KLF12: variants seen among roughly 807,000 people sequenced by gnomAD.
The protein encoded by KLF12 is Krueppel-like factor 12.
A neutral mutation model predicts 37.8 loss-of-function variants in KLF12; 9 were observed. The observed-to-expected ratio is 0.24, with a 90% CI of 0.14 to 0.42. The LOEUF is 0.42. KLF12 is among the 10% of genes least tolerant of loss of function. The probability of loss-of-function intolerance (pLI) is 1.00; values close to 1 mark genes in which losing one functional copy is unlikely to be tolerated. For missense variants in KLF12, 411 were observed against 516.0 expected, an observed-to-expected ratio of 0.80 and a Z score of 1.97; for synonymous variants, 208 against 202.1, an observed-to-expected ratio of 1.03 and a Z score of -0.25.
chr13:73,800,856 G>T lies in KLF12; in HGVS notation c.806+12296C>A, dbSNP rs181749308. 6.6e-5 allele frequency: 10 copies of T among 152,134 alleles called. No individual in the cohort carries two copies. The East Asian group carries it at 1.9e-3, about 29-fold the overall frequency. The allele number at this position is 152,134 out of a possible 1,614,324, so 9.4% of individuals were successfully genotyped here. A position where few individuals can be genotyped will look rare whatever the true frequency, so the allele number is the denominator to read the frequency against. ...ATTTTATTATATAAGTAAAAGTTTA[G>T]AATTCCTTTCTCCACACCAGTAATT... On this transcript the variant is annotated intron_variant, in intron 5 of 7. Coordinates refer to ENST00000377669, the MANE Select transcript of KLF12 (RefSeq NM_007249.5).
chr13:74,262,293 C>A, the KLF12 span, among the ~76,000 whole-genome samples: 2 of 152,130 alleles, frequency 1.3e-5, no homozygotes, highest in Non-Finnish European at 2.9e-5. Context: ...GAGGTTGGAT[C>A]AATATTTTGT....
At chr13:73,913,116 GTGTTTC>G (rs1173206908) in intron 3 of KLF12, among the ~76,000 whole-genome samples, 1 of 152,166 alleles carries the variant, frequency 6.6e-6, no homozygotes, top group African/African-American at 2.4e-5. Context: ...CTGAGGCACA[GTGTTTC>G]TGTTTCTCAT....
chr13:74,143,588 A>G, the KLF12 span, among the ~76,000 whole-genome samples: 19 of 152,156 alleles, frequency 1.2e-4, no homozygotes, highest in African/African-American at 4.6e-4. Flanking sequence ...GAGCCTTGCT[A>G]ATTTATTGCA....
At chr13:73,697,786 T>C (rs1874253810) in intron 7 of KLF12, among the ~76,000 whole-genome samples, 1 of 152,084 alleles carries the variant, frequency 6.6e-6, no homozygotes, top group Admixed American at 6.5e-5. Flanking sequence ...TAAAATTTCA[T>C]CTTCACTGGA....
chr13:74,024,783 T>G (rs1892932136), intron 1 of KLF12, among the ~76,000 whole-genome samples: 1 of 152,198 alleles, frequency 6.6e-6, no homozygotes, highest in Non-Finnish European at 1.5e-5. Flanking sequence ...AAAAAGTCTC[T>G]CTAAAACATA....
At chr13:73,782,408 T>C (rs1249809501) in intron 5 of KLF12, among the ~76,000 whole-genome samples, 1 of 152,188 alleles carries the variant, frequency 6.6e-6, no homozygotes, top group Non-Finnish European at 1.5e-5. Flanking sequence ...TTTCTCTGGG[T>C]GCTGGCATTG....
At chr13:73,713,055 G>A (rs1162037327) in intron 7 of KLF12, among the ~76,000 whole-genome samples, 1 of 152,142 alleles carries the variant, frequency 6.6e-6, no homozygotes, top group Non-Finnish European at 1.5e-5. Context: ...TCAATTTGTG[G>A]TATGAAAACT....
At chr13:74,106,580 T>C (rs909409982) in intron 1 of KLF12, among the ~76,000 whole-genome samples, 1 of 152,172 alleles carries the variant, frequency 6.6e-6, no homozygotes, top group Non-Finnish European at 1.5e-5. Context: ...AATCAGTGCA[T>C]ACTTAAAACA....
At chr13:73,959,248 A>G (rs1446788259) in intron 2 of KLF12, among the ~76,000 whole-genome samples, 1 of 151,990 alleles carries the variant, frequency 6.6e-6, no homozygotes, top group Non-Finnish European at 1.5e-5. Flanking sequence ...GCTACCCCAC[A>G]TAAAACTTGT....
At chr13:73,755,329 A>G (rs1040444492) in intron 6 of KLF12, among the ~76,000 whole-genome samples, 1 of 152,214 alleles carries the variant, frequency 6.6e-6, no homozygotes, top group African/African-American at 2.4e-5. Flanking sequence ...TGTTCCAAAT[A>G]CATTACAGGA....
intron 1 of KLF12, among the ~76,000 whole-genome samples, chr13:74,133,401 C>G (rs1036569432): frequency 1.6e-4 from 24 of 150,682 alleles, no homozygotes; most frequent in African/African-American, 5.6e-4. Context: ...AACAATTCCA[C>G]TAGGGGTAGA....
At chr13:74,218,737 G>A in the KLF12 span, among the ~76,000 whole-genome samples, 1 of 152,076 alleles carries the variant, frequency 6.6e-6, no homozygotes, top group African/African-American at 2.4e-5. Context: ...GAGATAACGA[G>A]TCTAACATAA....
At chr13:74,182,442 C>G in the KLF12 span, among the ~76,000 whole-genome samples, 1 of 152,274 alleles carries the variant, frequency 6.6e-6, no homozygotes, top group Non-Finnish European at 1.5e-5. Context: ...TTCAAACAGC[C>G]TACAAACACC....
At chr13:74,277,987 G>C in the KLF12 span, among the ~76,000 whole-genome samples, 1 of 152,196 alleles carries the variant, frequency 6.6e-6, no homozygotes, top group African/African-American at 2.4e-5. Context: ...ACAAGGGTAG[G>C]AGGAGAGATA....
intron 4 of KLF12, 36 bp downstream of exon 4, chr13:73,845,791 T>C (rs1234437265): frequency 6.3e-7 from 1 of 1,580,514 alleles, no homozygotes; most frequent in East Asian, 2.2e-5. Context: ...TCACCTCTAG[T>C]GCTGAAATAA....
At chr13:73,784,097 T>C (rs1365947260) in intron 5 of KLF12, among the ~76,000 whole-genome samples, 1 of 152,178 alleles carries the variant, frequency 6.6e-6, no homozygotes, top group African/African-American at 2.4e-5. Flanking sequence ...CCCTCAGCTA[T>C]GTACAGAACA....
At chr13:74,258,703 A>C in the KLF12 span, 1 of 152,136 alleles carries the variant, frequency 6.6e-6, no homozygotes, top group African/African-American at 2.4e-5. Flanking sequence ...CAGTTAATTC[A>C]TAGGTTAAAC....
At chr13:73,713,101 A>G (rs1464055864) in intron 7 of KLF12, among the ~76,000 whole-genome samples, 1 of 152,136 alleles carries the variant, frequency 6.6e-6, no homozygotes, top group Non-Finnish European at 1.5e-5. Context: ...GTGTATCTAC[A>G]AAGACACGGC....
the KLF12 span, among the ~76,000 whole-genome samples, chr13:74,171,131 G>A: frequency 6.6e-6 from 1 of 152,158 alleles, no homozygotes; most frequent in Non-Finnish European, 1.5e-5. Flanking sequence ...CGACAAAGCT[G>A]GGCCTTCAAA....
Sources: allele counts gnomAD v4.1 joint callset (sites outside exome capture counted in the v4.1 genomes callset), GRCh38; gene constraint gnomAD v4.1.1; transcripts MANE v1.5; gene names NCBI Gene and HGNC (gene_info 2026-07-23, HGNC 2026-07-21).